PDE9A: variants seen among roughly 807,000 people sequenced by gnomAD.
PDE9A encodes the protein phosphodiesterase 9A, also known as high affinity cGMP-specific 3',5'-cyclic phosphodiesterase 9A.
Under a neutral mutation model 87.4 loss-of-function variants are expected in PDE9A, and 60 were observed. The ratio of observed to expected loss-of-function variants is 0.69; its 90% CI spans 0.56 to 0.85. PDE9A has a LOEUF of 0.85. Ranked by LOEUF, PDE9A falls within the 40% of genes least tolerant of loss-of-function variation. PDE9A has a pLI of 0.00. For synonymous variants in PDE9A, 272 were observed against 279.4 expected (o/e 0.97, Z 0.27); for missense variants, 665 against 779.0 (o/e 0.85, Z 1.74).
intron 4 of PDE9A, among the ~76,000 whole-genome samples, chr21:42,703,238 G>A (rs946566207): frequency 6.6e-6 from 1 of 152,224 alleles, no homozygotes; most frequent in African/African-American, 2.4e-5. Flanking sequence ...GGTGCATGAG[G>A]AGCAGGCAGA....
intron 3 of PDE9A, chr21:42,689,670 C>A (rs749404261): frequency 2.2e-5 from 22 of 985,454 alleles, no homozygotes; most frequent in Non-Finnish European, 2.7e-5. Flanking sequence ...CCTTCTAATT[C>A]TCTGGCCCCA....
rs1005247320 is a variant in PDE9A at position 42,729,020 on chromosome 21, A to T, written c.263-2750A>T. 1.7e-4 allele frequency among the ~76,000 whole-genome samples: 25 copies of T among 150,134 alleles called. No homozygotes were observed. In the East Asian group the frequency reaches 4.3e-3, roughly 26 times the overall value. ...GTCTCAAAAAAAAAAAAAAAAAAGA[A>T]TGGTAGTGTTCCCTCCTCTTCTGTT... On this transcript the variant is annotated intron_variant, in intron 4 of 19. Transcript: ENST00000291539.
chr21:42,678,808 C>T (rs773323900), intron 1 of PDE9A, among the ~76,000 whole-genome samples: 3 of 152,134 alleles, frequency 2.0e-5, no homozygotes, highest in Admixed American at 6.5e-5. Context: ...GTCTGTGGGA[C>T]GGGGACAGGC....
In PDE9A at chr21:42,731,858, C is replaced by G; in HGVS notation, c.351C>G (p.Pro117=). The change falls in exon 5 of 20, where the codon CCC becomes CCG. Residue 117 remains proline (P), a synonymous_variant. Coordinates refer to ENST00000291539, the MANE Select transcript of PDE9A (RefSeq NM_002606.3). The part of the protein sequence containing the change: ...RDRRVVGLEQ[P]RREGAFESGQ... The stretch of plus-strand genomic sequence containing the variant: ...GACGGGTTGTGGGCCTGGAGCAGCC[C>G]CGGAGGGAAGGAGCATTTGAAAGTG... 2 of 1,614,182 alleles carry G rather than the reference C, an allele frequency of 1.2e-6. No individual in the cohort carries two copies. Among genetic ancestry groups the G allele is most frequent in the Non-Finnish European group, 1.7e-6 (2 of 1,180,030 alleles).
Position 42,653,729 on chromosome 21 carries a change from CT to C in PDE9A, c.-85del, listed in dbSNP as rs2056817405. 5 of 505,756 alleles carry C rather than the reference CT, an allele frequency of 9.9e-6. No individual in the cohort carries two copies. Among genetic ancestry groups the C allele is most frequent in the East Asian group, 6.3e-5 (1 of 15,756 alleles). 31.3% of individuals were successfully genotyped at this position (505,756 alleles called of 1,614,324 possible). A position where few individuals can be genotyped will look rare whatever the true frequency, so the allele number is the denominator to read the frequency against. On this transcript the variant is annotated 5_prime_UTR_variant, in exon 1 of 20. Transcript: ENST00000291539. ...CCGCGGGCCGCCCCCCGCCCGCCCC[CT>C]CCCCTGCTCCCCTCCCCCGCCTCCC...
In PDE9A at chr21:42,775,482, T is replaced by C; in HGVS notation, c.*189T>C. 1.9e-6 allele frequency: 1 copy of C among 520,600 alleles called. No individual in the cohort carries two copies. Among genetic ancestry groups the C allele is most frequent in the Non-Finnish European group, 3.4e-6 (1 of 291,556 alleles). The allele number at this position is 520,600 out of a possible 1,614,324, so 32.2% of individuals were successfully genotyped here. On this transcript the variant is annotated 3_prime_UTR_variant, in exon 20 of 20. Coordinates refer to ENST00000291539, the MANE Select transcript of PDE9A (RefSeq NM_002606.3). ...TACAGAATTTTATTTTTAAACTGTCTTTTAAATAATATATTCTTATACGGA... is the reference window on the plus strand; with the variant it reads ...TACAGAATTTTATTTTTAAACTGTCCTTTAAATAATATATTCTTATACGGA...
chr21:42,665,040 C>T lies in PDE9A; in HGVS notation c.69+11157C>T, dbSNP rs1312461816. ...GATGGGCCTCAAGCCCATATGCCCG[C>T]CATCCTTCTAAGGAGAGGGAAAGGC... is the stretch of plus-strand genomic sequence containing the variant. On this transcript the variant is annotated intron_variant, in intron 1 of 19. Coordinates refer to ENST00000291539, the MANE Select transcript of PDE9A (RefSeq NM_002606.3). 2.0e-5 allele frequency among the ~76,000 whole-genome samples: 3 copies of T among 152,254 alleles called. No individual in the cohort carries two copies. The East Asian group carries it at 5.8e-4, about 29-fold the overall frequency.
chr21:42,750,558 A>T (rs188338575), intron 8 of PDE9A, among the ~76,000 whole-genome samples: 1 of 51,376 alleles, frequency 1.9e-5, no homozygotes, highest in Admixed American at 1.6e-4. Flanking sequence ...AGCCCTCAAC[A>T]TCTGACTTTT....
intron 3 of PDE9A, among the ~76,000 whole-genome samples, chr21:42,688,557 C>A (rs758768063): frequency 6.6e-6 from 1 of 152,186 alleles, no homozygotes; most frequent in Admixed American, 6.5e-5. Context: ...GGAGCAGGGG[C>A]CCTCAGGTCA....
intron 4 of PDE9A, among the ~76,000 whole-genome samples, chr21:42,714,456 G>T (rs1025610363): frequency 1.3e-5 from 2 of 152,110 alleles, no homozygotes; most frequent in Non-Finnish European, 2.9e-5. Flanking sequence ...TGTTCATATG[G>T]TTGGGGTTGG....
intron 1 of PDE9A, among the ~76,000 whole-genome samples, chr21:42,670,505 CCTT>C (rs1447628855): frequency 2.3e-4 from 34 of 149,046 alleles, no homozygotes; most frequent in African/African-American, 4.4e-4. Context: ...CGCACTCACA[CCTT>C]CACACACACA....
intron 17 of PDE9A, among the ~76,000 whole-genome samples, chr21:42,769,370 TGCACACAG>T (rs1361303587): frequency 1.5e-5 from 2 of 134,574 alleles, no homozygotes; most frequent in Non-Finnish European, 3.2e-5. Flanking sequence ...CACACACTTG[TGCACACAG>T]GTACACAGGC....
chr21:42,774,213 A>G (rs1056309707), intron 19 of PDE9A, among the ~76,000 whole-genome samples: 1 of 152,256 alleles, frequency 6.6e-6, no homozygotes, highest in Non-Finnish European at 1.5e-5. Context: ...TAGTGCATCA[A>G]GCATGCAAGG....
At chr21:42,767,094 T>A (rs950617992) in intron 15 of PDE9A, among the ~76,000 whole-genome samples, 1 of 151,488 alleles carries the variant, frequency 6.6e-6, no homozygotes, top group Non-Finnish European at 1.5e-5. Context: ...CCAGGCATCG[T>A]CTCACTGCTA....
chr21:42,677,734 C>T (rs2058933824), intron 1 of PDE9A, among the ~76,000 whole-genome samples: 1 of 152,180 alleles, frequency 6.6e-6, no homozygotes, highest in Non-Finnish European at 1.5e-5. Context: ...TCTCCACATC[C>T]CGGGTTCAAG....
In PDE9A at chr21:42,733,249, C is replaced by T. The variant is rs1026010497; in HGVS notation, c.498-107C>T. ...AGACCCTCACCAGCCCACCTAGAGG[C>T]CTTGCCCATGCCCACAGCAGGGACT... On this transcript the variant is annotated intron_variant, in intron 6 of 19. Transcript: ENST00000291539. The T allele has an allele frequency of 5.7e-6, 4 of 700,804 alleles. No homozygotes were observed. The African/African-American group carries it at 7.0e-5, about 12-fold the overall frequency. 43.4% of individuals were successfully genotyped at this position (700,804 alleles called of 1,614,324 possible).
chr21:42,715,310 C>T (rs527987668), intron 4 of PDE9A, among the ~76,000 whole-genome samples: 107 of 151,860 alleles, frequency 7.0e-4, no homozygotes, highest in African/African-American at 2.3e-3. Context: ...CCTCTGCCAC[C>T]GTCAACGTCC....
At chr21:42,685,382 T>G (rs1375734190) in intron 1 of PDE9A, among the ~76,000 whole-genome samples, 1 of 152,110 alleles carries the variant, frequency 6.6e-6, no homozygotes, top group African/African-American at 2.4e-5. Context: ...CCCAGGATCC[T>G]CAACGGTTCT....
chr21:42,716,884 G>A (rs928219289), intron 4 of PDE9A, among the ~76,000 whole-genome samples: 1 of 149,586 alleles, frequency 6.7e-6, no homozygotes, highest in African/African-American at 2.4e-5. Context: ...CCGAGTAGCT[G>A]GGATTACAGA....
Sources: allele counts gnomAD v4.1 joint callset (sites outside exome capture counted in the v4.1 genomes callset), GRCh38; gene constraint gnomAD v4.1.1; transcripts MANE v1.5; gene names NCBI Gene and HGNC (gene_info 2026-07-23, HGNC 2026-07-21).